The following TIAL1 variants were observed in gnomAD, a reference collection of about 807,000 sequenced individuals.
TIAL1 encodes the protein TIA1 cytotoxic granule associated RNA binding protein like 1.
In TIAL1, 7 loss-of-function variants were observed where a neutral mutation model predicts 59.7. The ratio of observed to expected loss-of-function variants is 0.12; its 90% CI spans 0.07 to 0.22. The LOEUF (loss-of-function observed/expected upper bound fraction) is 0.22. Ranked by LOEUF, TIAL1 falls within the 10% of genes least tolerant of loss-of-function variation. The pLI is 1.00. For synonymous variants in TIAL1, 149 were observed against 146.3 expected, an observed-to-expected ratio of 1.02 and a Z score of -0.13; for missense variants, 225 against 462.5, an observed-to-expected ratio of 0.49 and a Z score of 4.71.
At position 119,595,992 on chromosome 10, in the gene TIAL1, G is replaced by T. The variant is rs1037573730; in HGVS notation, c.32+442C>A. ...CGACTCGAGCTGAGGACGTGGAAGGGGTGAGTGCTAATTCCTCAGGGCCCG... is the reference window on the plus strand; with the variant it reads ...CGACTCGAGCTGAGGACGTGGAAGGTGTGAGTGCTAATTCCTCAGGGCCCG... On this transcript the variant is annotated intron_variant, in intron 1 of 11. Transcript: ENST00000436547. Among the ~76,000 whole-genome samples, 4 of 152,088 alleles carry T rather than the reference G, an allele frequency of 2.6e-5. No homozygotes were observed. In the South Asian group the frequency reaches 8.3e-4, roughly 32 times the overall value.
Position 119,582,970 on chromosome 10 carries a change from G to A in TIAL1, c.130-413C>T, listed in dbSNP as rs1845370719. Among the ~76,000 whole-genome samples, 1 of 151,966 alleles carries A rather than the reference G, an allele frequency of 6.6e-6. No individual in the cohort carries two copies. The highest frequency in any genetic ancestry group is 6.5e-5 in the Admixed American group (1 of 15,276). On this transcript the variant is annotated intron_variant, in intron 2 of 11. Transcript: ENST00000436547. The surrounding 1 kb of genome is among the most constrained non-coding windows in gnomAD (Gnocchi z 5.1). ...TATGCATCATAATCCTCTATAAGTGGTATCCCAGGATACAGAAATACAGCA... is the reference window on the plus strand; with the variant it reads ...TATGCATCATAATCCTCTATAAGTGATATCCCAGGATACAGAAATACAGCA...
intron 1 of TIAL1, 67 bp downstream of exon 1, chr10:119,596,367 C>T: frequency 3.2e-6 from 5 of 1,586,448 alleles, no homozygotes; most frequent in Non-Finnish European, 4.3e-6. Flanking sequence ...CTCTCCTGCT[C>T]CCTCCCTTAG....
chr10:119,596,705 G>C lies in TIAL1; in HGVS notation c.-240C>G, dbSNP rs1014470637. 3 of 574,904 alleles carry C rather than the reference G, an allele frequency of 5.2e-6. No individual in the cohort carries two copies. Among genetic ancestry groups the C allele is most frequent in the African/African-American group, 3.8e-5 (2 of 52,760 alleles). The allele number at this position is 574,904 out of a possible 1,614,324, so 35.6% of individuals were successfully genotyped here. A position where few individuals can be genotyped will look rare whatever the true frequency, so the allele number is the denominator to read the frequency against. ...CCGCCACCAGCCAGGCAGGAAACAG[G>C]GCAGAGCGCAGGCGCGACCCGCCAG... On this transcript the variant is annotated 5_prime_UTR_variant, in exon 1 of 12. Coordinates refer to ENST00000436547, the MANE Select transcript of TIAL1 (RefSeq NM_003252.4).
intron 1 of TIAL1, among the ~76,000 whole-genome samples, chr10:119,590,816 GAAA>G (rs1845843829): frequency 2.1e-5 from 3 of 145,714 alleles, no homozygotes; most frequent in African/African-American, 7.7e-5. Context: ...AAGAAAGAAA[GAAA>G]GAAACGAACA....
chr10:119,582,678 A>T lies in TIAL1; in HGVS notation c.130-121T>A. The T allele has an allele frequency of 6.9e-7, 1 of 1,443,996 alleles. No homozygotes were observed. Among genetic ancestry groups the T allele is most frequent in the Non-Finnish European group, 9.2e-7 (1 of 1,090,952 alleles). 89.4% of individuals were successfully genotyped at this position (1,443,996 alleles called of 1,614,324 possible). ...ATACAAGGTGAGACTGCATAAGCTT[A>T]TGAAAGCCTAACACTTTTTAAATAA... On this transcript the variant is annotated intron_variant, in intron 2 of 11. Coordinates refer to ENST00000436547, the MANE Select transcript of TIAL1 (RefSeq NM_003252.4). This position sits in a 1 kb window ranked among gnomAD's most constrained non-coding sequence, Gnocchi z 5.1.
intron 1 of TIAL1, among the ~76,000 whole-genome samples, chr10:119,594,792 T>A (rs1846072185): frequency 6.6e-6 from 1 of 152,106 alleles, no homozygotes; most frequent in African/African-American, 2.4e-5. Flanking sequence ...GCCCAGCTAA[T>A]TTTTGTGTTT....
At chr10:119,593,750 T>C (rs1846006706) in intron 1 of TIAL1, among the ~76,000 whole-genome samples, 1 of 152,228 alleles carries the variant, frequency 6.6e-6, no homozygotes, top group African/African-American at 2.4e-5. Flanking sequence ...TTTGAGAATA[T>C]GTAAAACGTA....
chr10:119,583,865 G>C (rs570555815), intron 2 of TIAL1, among the ~76,000 whole-genome samples: 14 of 152,276 alleles, frequency 9.2e-5, no homozygotes, highest in African/African-American at 3.1e-4. Context: ...GGAAATGGGG[G>C]AAGACTTCAA....
chr10:119,581,052 TTAA>T (rs1845281050), intron 5 of TIAL1, among the ~76,000 whole-genome samples: 1 of 152,014 alleles, frequency 6.6e-6, no homozygotes, highest in Non-Finnish European at 1.5e-5. Context: ...TTTAAAGAAA[TTAA>T]ATCTATAGAA....
intron 5 of TIAL1, 43 bp from the exon 6 acceptor site, chr10:119,580,053 C>T (rs569882430): frequency 1.3e-6 from 2 of 1,522,482 alleles, no homozygotes; most frequent in South Asian, 2.4e-5. Context: ...TAAGAGCCAC[C>T]CTCAAAATAA....
At position 119,575,232 on chromosome 10, in the gene TIAL1, G is replaced by T. The variant is rs1355488554; in HGVS notation, c.*433C>A. 1.9e-5 allele frequency: 3 copies of T among 158,474 alleles called. No individual in the cohort carries two copies. Among genetic ancestry groups the T allele is most frequent in the African/African-American group, 7.2e-5 (3 of 41,450 alleles). 9.8% of individuals were successfully genotyped at this position (158,474 alleles called of 1,614,324 possible). ...TGGTCCACCTCAGGGAAGGGGAGGG[G>T]AGTATCAGGATTCAGGATGAACTTA... On this transcript the variant is annotated 3_prime_UTR_variant, in exon 12 of 12. Coordinates refer to ENST00000436547, the MANE Select transcript of TIAL1 (RefSeq NM_003252.4).
At chr10:119,585,363 T>A (rs1845516481) in intron 2 of TIAL1, among the ~76,000 whole-genome samples, 1 of 150,110 alleles carries the variant, frequency 6.7e-6, no homozygotes, top group Admixed American at 6.7e-5. Context: ...GGTGGGAGGA[T>A]CACTTGAACC....
rs570445253 is a variant in TIAL1 at position 119,582,905 on chromosome 10, A to G, written c.130-348T>C. 1.3e-5 allele frequency among the ~76,000 whole-genome samples: 2 copies of G among 152,196 alleles called. No homozygotes were observed. The highest frequency in any genetic ancestry group is 3.9e-4 in the East Asian group (2 of 5,186). On this transcript the variant is annotated intron_variant, in intron 2 of 11. Coordinates refer to ENST00000436547, the MANE Select transcript of TIAL1 (RefSeq NM_003252.4). This position sits in a 1 kb window ranked among gnomAD's most constrained non-coding sequence, Gnocchi z 5.1. Reference sequence around the variant, plus strand: ...CTGATGAGGACCACTCCTTACCACTACTTTCCTTCTCCAATATTATTTTTA... The same window carrying G: ...CTGATGAGGACCACTCCTTACCACTGCTTTCCTTCTCCAATATTATTTTTA...
intron 1 of TIAL1, among the ~76,000 whole-genome samples, chr10:119,588,603 C>T (rs1845693110): frequency 6.6e-6 from 1 of 152,202 alleles, no homozygotes; most frequent in Non-Finnish European, 1.5e-5. Flanking sequence ...CTTGGCCTCC[C>T]AAAGTGCTGG....
chr10:119,586,381 T>C (rs2133984503), intron 2 of TIAL1, among the ~76,000 whole-genome samples: 1 of 152,272 alleles, frequency 6.6e-6, no homozygotes, highest in Admixed American at 6.5e-5. Flanking sequence ...ATATTCCAAA[T>C]CTATCAACCT....
At chr10:119,589,413 C>T (rs1218739384) in intron 1 of TIAL1, among the ~76,000 whole-genome samples, 3 of 152,116 alleles carry the variant, frequency 2.0e-5, no homozygotes, top group Non-Finnish European at 4.4e-5. Context: ...ACCATGTTGG[C>T]CTGGCTGGTC....
rs1259833056 is a variant in TIAL1 at position 119,574,597 on chromosome 10, A to AC, written c.*1067_*1068insG. 7 of 150,722 alleles carry AC rather than the reference A, an allele frequency of 4.6e-5. No individual in the cohort carries two copies. Among genetic ancestry groups the AC allele is most frequent in the Non-Finnish European group, 8.9e-5 (6 of 67,684 alleles). 9.3% of individuals were successfully genotyped at this position (150,722 alleles called of 1,614,324 possible). On this transcript the variant is annotated 3_prime_UTR_variant, in exon 12 of 12. Transcript: ENST00000436547. ...CAAGTAATGTAAAGCAAAAAAAAAA[A>AC]AAAAAAAAAACAAAAACAAAAAACT...
intron 5 of TIAL1, chr10:119,580,919 A>G: frequency 1.1e-6 from 1 of 879,244 alleles, no homozygotes; most frequent in South Asian, 1.9e-5. Context: ...TCTCAGGTAT[A>G]AATAAAGATT....
In TIAL1 at chr10:119,593,478, C is replaced by T. The variant is rs1307755328; in HGVS notation, c.32+2956G>A. ...TAGGCTCTAAACACCATATTGTTTTCTGAAGATAGAACCATATGTCTTAGC... is the reference window on the plus strand; with the variant it reads ...TAGGCTCTAAACACCATATTGTTTTTTGAAGATAGAACCATATGTCTTAGC... On this transcript the variant is annotated intron_variant, in intron 1 of 11. Coordinates refer to ENST00000436547, the MANE Select transcript of TIAL1 (RefSeq NM_003252.4). 3.0e-6 allele frequency: 3 copies of T among 985,574 alleles called. No homozygotes were observed. In the African/African-American group the frequency reaches 5.2e-5, roughly 17 times the overall value. 61.1% of individuals were successfully genotyped at this position (985,574 alleles called of 1,614,324 possible). A position where few individuals can be genotyped will look rare whatever the true frequency, so the allele number is the denominator to read the frequency against.
Sources: gnomAD v4.1 joint callset for allele counts (sites outside exome capture counted in the v4.1 genomes callset) on GRCh38, gnomAD v4.1.1 for gene constraint, Gnocchi (gnomAD v3.1) non-coding constraint, MANE v1.5 for transcripts, NCBI Gene and HGNC (gene_info 2026-07-23, HGNC 2026-07-21) for gene names.